The following STXBP5L variants were observed in gnomAD, a reference collection of about 807,000 sequenced individuals.
STXBP5L encodes the protein syntaxin binding protein 5L.
STXBP5L carries 65 observed loss-of-function variants against 144.5 expected under a neutral mutation model. The ratio of observed to expected loss-of-function variants is 0.45; its 90% CI spans 0.37 to 0.55. The LOEUF is 0.55. Among genes scored for constraint, STXBP5L ranks in the 20% least tolerant of loss-of-function variants. STXBP5L has a pLI of 0.00. For synonymous variants in STXBP5L, 505 were observed against 469.6 expected (o/e 1.08, Z -0.97); for missense variants, 1,298 against 1,405.5 (o/e 0.92, Z 1.22).
rs371102820 is a variant in STXBP5L, at chr3:121,235,842, T to TAC, written c.1184+2175_1184+2176dup. ...ACACACACACACACACACACACACA[T>TAC]ACACACACACACACACACACACTAT... On this transcript the variant is annotated intron_variant, in intron 12 of 26. Transcript: ENST00000471454. 3.1e-3 allele frequency among the ~76,000 whole-genome samples: 450 copies of TAC among 144,316 alleles called. 2 individuals are homozygous for TAC. Among genetic ancestry groups the TAC allele is most frequent in the African/African-American group, 6.0e-3 (234 of 38,908 alleles). The allele number at this position is 144,316 out of a possible 152,430, so 94.7% of individuals were successfully genotyped here. A position where few individuals can be genotyped will look rare whatever the true frequency, so the allele number is the denominator to read the frequency against.
intron 19 of STXBP5L, among the ~76,000 whole-genome samples, chr3:121,302,346 A>G (rs1462076133): frequency 6.6e-6 from 1 of 152,138 alleles, no homozygotes; most frequent in Non-Finnish European, 1.5e-5. Flanking sequence ...TGTTTATAGT[A>G]TTCTCTGATG....
In STXBP5L at chr3:121,248,384, C is replaced by G. The variant is rs138321675; in HGVS notation, c.1401-2339C>G. ...TGGCCATGTTTTGATTTTCATTTCT[C>G]TAATGATTAGTGATGATGGCATTTT... On this transcript the variant is annotated intron_variant, in intron 14 of 26. Transcript: ENST00000471454. Among the ~76,000 whole-genome samples, 463 of 152,278 alleles carry G rather than the reference C, an allele frequency of 3.0e-3. 3 individuals are homozygous for G. The highest frequency in any genetic ancestry group is 0.01 in the African/African-American group (432 of 41,568).
intron 9 of STXBP5L, among the ~76,000 whole-genome samples, chr3:121,191,789 T>C (rs2047696363): frequency 6.6e-6 from 1 of 152,172 alleles, no homozygotes; most frequent in Non-Finnish European, 1.5e-5. Context: ...TGAGTTCTTG[T>C]CCTTTGCAGG....
At chr3:121,051,421 G>T (rs1172673424) in intron 5 of STXBP5L, among the ~76,000 whole-genome samples, 10 of 152,114 alleles carry the variant, frequency 6.6e-5, no homozygotes, top group African/African-American at 2.4e-4. Context: ...TAGAAGTCAG[G>T]ATTAAGAAAC....
intron 3 of STXBP5L, among the ~76,000 whole-genome samples, chr3:120,975,789 C>G (rs1473945361): frequency 2.0e-5 from 3 of 152,072 alleles, no homozygotes; most frequent in Non-Finnish European, 4.4e-5. Flanking sequence ...TTTTCTGCAT[C>G]TATTGAGATA....
Position 121,346,249 on chromosome 3 carries a change from A to G in STXBP5L, c.2176+27709A>G, listed in dbSNP as rs551186402. Among the ~76,000 whole-genome samples, 19 of 152,170 alleles carry G rather than the reference A, an allele frequency of 1.2e-4. No homozygotes were observed. In the East Asian group the frequency reaches 3.5e-3, roughly 28 times the overall value. On this transcript the variant is annotated intron_variant, in intron 20 of 26. Coordinates refer to ENST00000471454, the MANE Select transcript of STXBP5L (RefSeq NM_001308330.2). Reference sequence around the variant, plus strand: ...TAGTTTGCTGAGAATGATGGTTTCCAGCTTCATCCATGTCCCTACAAAGGA... The same window carrying G: ...TAGTTTGCTGAGAATGATGGTTTCCGGCTTCATCCATGTCCCTACAAAGGA...
intron 5 of STXBP5L, among the ~76,000 whole-genome samples, chr3:121,105,949 AGAGT>A (rs1203714316): frequency 6.6e-6 from 1 of 152,174 alleles, no homozygotes; most frequent in African/African-American, 2.4e-5. Flanking sequence ...AAAATTTCTA[AGAGT>A]AAGTCAAAAG....
chr3:121,341,706 T>C (rs1409162355), intron 20 of STXBP5L, among the ~76,000 whole-genome samples: 1 of 152,086 alleles, frequency 6.6e-6, no homozygotes, highest in Non-Finnish European at 1.5e-5. Context: ...GAGATCCTGT[T>C]GTTTACAACA....
intron 7 of STXBP5L, among the ~76,000 whole-genome samples, chr3:121,145,679 G>T (rs541109980): frequency 1.3e-5 from 2 of 152,092 alleles, no homozygotes; most frequent in African/African-American, 4.8e-5. Flanking sequence ...ATGACTTCTT[G>T]CAGTGTAATA....
At chr3:121,365,117 G>T (rs1021475443) in intron 20 of STXBP5L, among the ~76,000 whole-genome samples, 1 of 151,576 alleles carries the variant, frequency 6.6e-6, no homozygotes, top group Non-Finnish European at 1.5e-5. Flanking sequence ...ATTCCACTTG[G>T]TTATAGTCTA....
At chr3:121,368,179 T>C (rs2045924332) in intron 20 of STXBP5L, among the ~76,000 whole-genome samples, 1 of 152,188 alleles carries the variant, frequency 6.6e-6, no homozygotes. Context: ...AATTTTTTTC[T>C]TTCTGTTTTT....
At chr3:121,021,851 AG>A (rs1393792519) in intron 3 of STXBP5L, among the ~76,000 whole-genome samples, 1 of 152,154 alleles carries the variant, frequency 6.6e-6, no homozygotes, top group Non-Finnish European at 1.5e-5. Flanking sequence ...TCACACCTCA[AG>A]AAACTAGAGA....
intron 2 of STXBP5L, among the ~76,000 whole-genome samples, chr3:120,918,005 C>G (rs1368475926): frequency 7.2e-5 from 11 of 152,196 alleles, no homozygotes; most frequent in Admixed American, 6.5e-4. Flanking sequence ...GAACTGCATT[C>G]CTTTCTGGAG....
chr3:121,194,580 A>G (rs2047845136), intron 9 of STXBP5L, among the ~76,000 whole-genome samples: 1 of 151,868 alleles, frequency 6.6e-6, no homozygotes, highest in Non-Finnish European at 1.5e-5. Flanking sequence ...AAGTGGCCTC[A>G]TAGAATGAGT....
At chr3:121,093,024 G>T (rs1384246915) in intron 5 of STXBP5L, among the ~76,000 whole-genome samples, 2 of 152,226 alleles carry the variant, frequency 1.3e-5, no homozygotes, top group African/African-American at 4.8e-5. Flanking sequence ...CAGCTATTGA[G>T]ATAATCATGT....
intron 10 of STXBP5L, among the ~76,000 whole-genome samples, chr3:121,210,534 G>T (rs2048520469): frequency 1.3e-5 from 2 of 152,098 alleles, no homozygotes. Flanking sequence ...GTATTGCCTA[G>T]GTTTTCTTCT....
At chr3:121,358,014 T>C (rs567656846) in intron 20 of STXBP5L, 1 of 152,310 alleles carries the variant, frequency 6.6e-6, no homozygotes, top group South Asian at 2.1e-4. Context: ...TTGTATATAT[T>C]TATGGGGCAC....
intron 3 of STXBP5L, among the ~76,000 whole-genome samples, chr3:120,990,206 C>A (rs912266005): frequency 6.6e-6 from 1 of 152,114 alleles, no homozygotes; most frequent in East Asian, 1.9e-4. Flanking sequence ...CTCCCATTCA[C>A]AATTGCTTCA....
intron 19 of STXBP5L, among the ~76,000 whole-genome samples, chr3:121,291,673 G>A (rs776596068): frequency 3.3e-5 from 5 of 152,244 alleles, no homozygotes; most frequent in South Asian, 2.1e-4. Flanking sequence ...CAAGGCTATC[G>A]TTACCAAAAC....
Sources: allele counts gnomAD v4.1 joint callset (sites outside exome capture counted in the v4.1 genomes callset), GRCh38; gene constraint gnomAD v4.1.1; transcripts MANE v1.5; gene names NCBI Gene and HGNC (gene_info 2026-07-23, HGNC 2026-07-21).